RAD18: variants seen among roughly 807,000 people sequenced by gnomAD.
RAD18 encodes RAD18 E3 ubiquitin protein ligase, also known as E3 ubiquitin-protein ligase RAD18.
A neutral mutation model predicts 60.4 loss-of-function variants in RAD18; 47 were observed. The observed-to-expected ratio is 0.78, with a 90% CI of 0.62 to 0.99. RAD18 has a LOEUF of 0.99. RAD18 is among the 50% of genes least tolerant of loss of function. The probability of loss-of-function intolerance (pLI) is 0.00; values close to 1 mark genes in which losing one functional copy is unlikely to be tolerated. For synonymous variants in RAD18, 225 were observed against 195.5 expected, an observed-to-expected ratio of 1.15 and a Z score of -1.26; for missense variants, 640 against 593.3, an observed-to-expected ratio of 1.08 and a Z score of -0.82.
intron 12 of RAD18, among the ~76,000 whole-genome samples, chr3:8,884,235 TCTCA>T (rs1378171200): frequency 6.6e-6 from 1 of 152,180 alleles, no homozygotes; most frequent in Non-Finnish European, 1.5e-5. Context: ...AGCTCACTGT[TCTCA>T]CTGAGATTCA....
chr3:8,943,992 A>G (rs1186849920), intron 4 of RAD18, among the ~76,000 whole-genome samples: 1 of 152,190 alleles, frequency 6.6e-6, no homozygotes, highest in Non-Finnish European at 1.5e-5. Flanking sequence ...AGATAACAAG[A>G]GAAAACAAGC....
intron 7 of RAD18, among the ~76,000 whole-genome samples, chr3:8,929,081 T>C (rs1336775621): frequency 6.6e-6 from 1 of 152,076 alleles, no homozygotes; most frequent in East Asian, 1.9e-4. Context: ...TCAATGTCTG[T>C]GAATAGAGGT....
intron 6 of RAD18, among the ~76,000 whole-genome samples, chr3:8,938,765 A>G (rs922580143): frequency 6.6e-6 from 1 of 152,176 alleles, no homozygotes; most frequent in African/African-American, 2.4e-5. Context: ...TATGCCACTC[A>G]CTGCTTCTCC....
rs1253449603 is a variant in RAD18 at position 8,939,641 on chromosome 3, A to G, written c.617T>C (p.Val206Ala). 6.2e-7 allele frequency: 1 copy of G among 1,611,962 alleles called. No individual in the cohort carries two copies. Among genetic ancestry groups the G allele is most frequent in the Non-Finnish European group, 8.5e-7 (1 of 1,178,376 alleles). ...ACTTTCTGGAATGTTAACCCCGCAA[A>G]CAGGACAATCCACTGTATTTTTTAA... ...LKQVTKVDCPVCGVNIPESHI... is the reference protein window; with the variant it reads ...LKQVTKVDCPACGVNIPESHI... Residue 206 changes from valine (V) to alanine (A), a missense_variant, in exon 6 of 13, where the codon GTT becomes GCT. By Grantham distance (64) the Val-to-Ala change is moderately conservative. Transcript: ENST00000264926.
intron 7 of RAD18, among the ~76,000 whole-genome samples, chr3:8,932,919 A>C (rs1237937036): frequency 1.3e-5 from 2 of 152,112 alleles, no homozygotes; most frequent in Non-Finnish European, 2.9e-5. Context: ...AATATGGTGA[A>C]ACCCCATCTC....
chr3:8,890,326 C>T, intron 12 of RAD18, 63 bp downstream of exon 12: 1 of 1,272,896 alleles, frequency 7.9e-7, no homozygotes, highest in Non-Finnish European at 1.1e-6. Context: ...TGAAAATCAG[C>T]TGCATAGAAG....
At chr3:8,885,632 G>A (rs940356491) in intron 12 of RAD18, among the ~76,000 whole-genome samples, 9 of 152,176 alleles carry the variant, frequency 5.9e-5, no homozygotes, top group Non-Finnish European at 1.3e-4. Flanking sequence ...CTCTGGCAGA[G>A]CCCAAAAGAC....
At chr3:8,933,202 T>C (rs1432537203) in intron 7 of RAD18, among the ~76,000 whole-genome samples, 5 of 152,140 alleles carry the variant, frequency 3.3e-5, no homozygotes, top group Non-Finnish European at 7.4e-5. Flanking sequence ...AGATACCATA[T>C]GTAAAATGCT....
At chr3:8,900,627 C>T (rs17049724) in intron 10 of RAD18, among the ~76,000 whole-genome samples, 1 of 152,014 alleles carries the variant, frequency 6.6e-6, no homozygotes, top group African/African-American at 2.4e-5. Flanking sequence ...TCAGAGCTCC[C>T]CAGAGACACA....
chr3:8,937,342 C>A (rs557951087), intron 6 of RAD18, among the ~76,000 whole-genome samples: 1 of 151,658 alleles, frequency 6.6e-6, no homozygotes, highest in African/African-American at 2.4e-5. Flanking sequence ...ATAAAAAGCA[C>A]CACCAGAGAT....
At chr3:8,929,173 T>TA (rs1940502569) in intron 7 of RAD18, among the ~76,000 whole-genome samples, 1 of 150,978 alleles carries the variant, frequency 6.6e-6, no homozygotes, top group Non-Finnish European at 1.5e-5. Context: ...CATAATAAGC[T>TA]AAAAAAAGAA....
chr3:8,892,342 C>G (rs1235121852), intron 11 of RAD18, among the ~76,000 whole-genome samples: 1 of 152,192 alleles, frequency 6.6e-6, no homozygotes, highest in African/African-American at 2.4e-5. Flanking sequence ...AAATGGCCCT[C>G]TCTGATGTCC....
chr3:8,904,751 A>C (rs945931609), intron 9 of RAD18, among the ~76,000 whole-genome samples: 12 of 152,164 alleles, frequency 7.9e-5, no homozygotes, highest in African/African-American at 1.2e-4. Context: ...GTGACACAGT[A>C]CTATGGGATC....
At chr3:8,940,174 A>T (rs1248033890) in intron 5 of RAD18, among the ~76,000 whole-genome samples, 1 of 152,228 alleles carries the variant, frequency 6.6e-6, no homozygotes, top group African/African-American at 2.4e-5. Flanking sequence ...GTTAAAATTA[A>T]GGAACACAGT....
At chr3:8,961,070 C>G (rs915323889) in intron 1 of RAD18, among the ~76,000 whole-genome samples, 1 of 152,174 alleles carries the variant, frequency 6.6e-6, no homozygotes, top group Admixed American at 6.5e-5. Context: ...GAAGCCAGAA[C>G]CAGTCTATTA....
intron 2 of RAD18, among the ~76,000 whole-genome samples, chr3:8,958,008 A>G (rs898276085): frequency 1.3e-5 from 2 of 152,266 alleles, no homozygotes; most frequent in African/African-American, 4.8e-5. Context: ...TGTCTGGAAG[A>G]AAACTAACAT....
At chr3:8,926,787 T>G (rs1475351850) in intron 7 of RAD18, among the ~76,000 whole-genome samples, 1 of 152,104 alleles carries the variant, frequency 6.6e-6, no homozygotes, top group African/African-American at 2.4e-5. Context: ...TTGACAAACC[T>G]GACAAAAACA....
chr3:8,907,025 G>C (rs1162361109), intron 9 of RAD18, among the ~76,000 whole-genome samples: 1 of 152,148 alleles, frequency 6.6e-6, no homozygotes, highest in Non-Finnish European at 1.5e-5. Context: ...GAATACTCAA[G>C]GTGAACTCTC....
Position 8,881,381 on chromosome 3 carries a change from T to C in RAD18, c.1464A>G (p.Pro488=). 3 of 1,609,964 alleles carry C rather than the reference T, an allele frequency of 1.9e-6. No homozygotes were observed. Among genetic ancestry groups the C allele is most frequent in the Non-Finnish European group, 2.6e-6 (3 of 1,176,202 alleles). Residue 488 remains proline (P), a synonymous_variant, in exon 13 of 13, where the codon CCA becomes CCG. Transcript: ENST00000264926. ...ATTAATTCCTATTACGCTTGTTTCT[T>C]GGTTCAATCTCAGCACTTTCAGCGG... ...TRAAESAEIE[P]RNKRNRN
Sources: allele counts gnomAD v4.1 joint callset (sites outside exome capture counted in the v4.1 genomes callset), GRCh38; gene constraint gnomAD v4.1.1; transcripts MANE v1.5; gene names NCBI Gene and HGNC (gene_info 2026-07-23, HGNC 2026-07-21).